The following DSE variants were observed in gnomAD, a reference collection of about 807,000 sequenced individuals.
DSE encodes the protein dermatan-sulfate epimerase.
A neutral mutation model predicts 84.4 loss-of-function variants in DSE; 36 were observed. The observed-to-expected ratio is 0.43, with a 90% CI of 0.33 to 0.56. DSE has a LOEUF of 0.56. DSE is among the 20% of genes least tolerant of loss of function. DSE has a pLI of 0.06. For synonymous variants in DSE, 410 were observed against 430.1 expected (o/e 0.95, Z 0.58); for missense variants, 862 against 1,169.6 (o/e 0.74, Z 3.84).
intron 2 of DSE, among the ~76,000 whole-genome samples, chr6:116,410,151 A>C (rs543627636): frequency 2.6e-5 from 4 of 152,344 alleles, no homozygotes; most frequent in Admixed American, 6.5e-5. Flanking sequence ...ATTGAAAAAT[A>C]AAAGTAGAAT....
chr6:116,405,764 A>C (rs2115010108), intron 2 of DSE, among the ~76,000 whole-genome samples: 2 of 152,322 alleles, frequency 1.3e-5, no homozygotes, highest in Middle Eastern at 6.8e-3. Context: ...TTGGGCAGGA[A>C]TCAAGGTCAG....
intron 2 of DSE, among the ~76,000 whole-genome samples, chr6:116,332,527 T>G (rs1777013279): frequency 6.6e-6 from 1 of 152,168 alleles, no homozygotes; most frequent in South Asian, 2.1e-4. Flanking sequence ...CTACTGGATA[T>G]TAATACTTAT....
chr6:116,301,502 T>A (rs973017937), intron 2 of DSE, among the ~76,000 whole-genome samples: 3 of 152,228 alleles, frequency 2.0e-5, no homozygotes, highest in Non-Finnish European at 4.4e-5. Flanking sequence ...TTTTATTGAT[T>A]CTTCCTACAC....
intron 2 of DSE, among the ~76,000 whole-genome samples, chr6:116,301,965 C>G (rs775720316): frequency 6.6e-6 from 1 of 152,120 alleles, no homozygotes; most frequent in African/African-American, 2.4e-5. Flanking sequence ...GGACATGAAG[C>G]CATCCTTTTT....
chr6:116,416,215 C>T (rs1583202909), intron 2 of DSE, among the ~76,000 whole-genome samples: 1 of 152,136 alleles, frequency 6.6e-6, no homozygotes, highest in Admixed American at 6.5e-5. Flanking sequence ...CCTGGGTAAT[C>T]TAGAATAATC....
chr6:116,395,958 T>G (rs1454915887), intron 1 of DSE, among the ~76,000 whole-genome samples: 1 of 152,252 alleles, frequency 6.6e-6, no homozygotes, highest in African/African-American at 2.4e-5. Flanking sequence ...TTTCTTTTCT[T>G]TTTAAACTAG....
chr6:116,290,104 C>T (rs952653817), intron 2 of DSE, among the ~76,000 whole-genome samples: 5 of 152,068 alleles, frequency 3.3e-5, no homozygotes, highest in Admixed American at 2.6e-4. Context: ...CCTAAAGTTA[C>T]ATGACTAATA....
chr6:116,299,551 TACACATAC>T lies in DSE; in HGVS notation c.-54+40590_-54+40597del, dbSNP rs1297214517. Among the ~76,000 whole-genome samples the T allele has an allele frequency of 8.7e-3, 467 of 53,584 alleles. 22 individuals carry two copies. The highest frequency in any genetic ancestry group is 0.048 in the African/African-American group (381 of 7,910). 35.2% of individuals were successfully genotyped at this position (53,584 alleles called of 152,430 possible). A position where few individuals can be genotyped will look rare whatever the true frequency, so the allele number is the denominator to read the frequency against. ...ATATATATATATATATATATATATA[TACACATAC>T]ACACACACACACACATACATATATA... On this transcript the variant is annotated intron_variant, in intron 2 of 3. Coordinates refer to the DSE transcript ENST00000430252.
chr6:116,399,017 T>C (rs928750057), intron 1 of DSE, among the ~76,000 whole-genome samples, 181 bp from the exon 2 acceptor site: 1 of 152,242 alleles, frequency 6.6e-6, no homozygotes, highest in African/African-American at 2.4e-5. Flanking sequence ...GTAGTATGTT[T>C]AACTCTATAA....
chr6:116,275,459 T>G (rs574530006), intron 2 of DSE, among the ~76,000 whole-genome samples: 1 of 152,234 alleles, frequency 6.6e-6, no homozygotes, highest in Non-Finnish European at 1.5e-5. Context: ...TTTTCCTCCA[T>G]CTGAGTTTTG....
intron 2 of DSE, among the ~76,000 whole-genome samples, chr6:116,275,212 T>C (rs1773072283): frequency 6.6e-6 from 1 of 152,172 alleles, no homozygotes; most frequent in Non-Finnish European, 1.5e-5. Context: ...ACATCTAGAG[T>C]CTAACCCCCT....
At chr6:116,396,149 G>A (rs1781236185) in intron 1 of DSE, among the ~76,000 whole-genome samples, 1 of 152,152 alleles carries the variant, frequency 6.6e-6, no homozygotes, top group South Asian at 2.1e-4. Context: ...TAAGCCCAGG[G>A]ATTTGGTTCA....
chr6:116,256,461 A>G (rs1772146253), intron 1 of DSE: 1 of 152,242 alleles, frequency 6.6e-6, no homozygotes, highest in Non-Finnish European at 1.5e-5. Context: ...CAGTAAAAAT[A>G]GAGTATTACA....
At chr6:116,406,874 C>G (rs1781963986) in intron 2 of DSE, among the ~76,000 whole-genome samples, 1 of 151,962 alleles carries the variant, frequency 6.6e-6, no homozygotes, top group African/African-American at 2.4e-5. Context: ...CCCACATAAG[C>G]CTGTGGTTTA....
intron 3 of DSE, among the ~76,000 whole-genome samples, chr6:116,429,009 A>G (rs1304492821): frequency 6.6e-6 from 1 of 152,172 alleles, no homozygotes; most frequent in Non-Finnish European, 1.5e-5. Flanking sequence ...TGTTGTAAGG[A>G]ACAAATAAGG....
In DSE at chr6:116,265,836, G is replaced by C. The variant is rs112943495; in HGVS notation, c.-54+6869G>C. Among the ~76,000 whole-genome samples, 3 of 152,290 alleles carry C rather than the reference G, an allele frequency of 2.0e-5. No homozygotes were observed. The South Asian group carries it at 6.2e-4, about 32-fold the overall frequency. ...ATGTGAGCAAGTCAAGCCTAGAGGG[G>C]ACAGCCTTCCCTAGTTGTGCTCTGC... On this transcript the variant is annotated intron_variant, in intron 2 of 3. Coordinates refer to the DSE transcript ENST00000430252.
chr6:116,410,846 A>G (rs1782308288), intron 2 of DSE, among the ~76,000 whole-genome samples: 1 of 151,924 alleles, frequency 6.6e-6, no homozygotes, highest in Admixed American at 6.6e-5. Context: ...GTTTATCTAA[A>G]TGAAAACCTA....
At chr6:116,321,643 C>T (rs919339147) in intron 2 of DSE, among the ~76,000 whole-genome samples, 15 of 151,912 alleles carry the variant, frequency 9.9e-5, no homozygotes, top group Non-Finnish European at 1.8e-4. Context: ...AAAAATTAGC[C>T]GGCGCCTGTA....
At chr6:116,372,991 G>A (rs1779696122) in intron 1 of DSE, among the ~76,000 whole-genome samples, 1 of 151,736 alleles carries the variant, frequency 6.6e-6, no homozygotes, top group Admixed American at 6.6e-5. Context: ...TAAAAACACT[G>A]GCCTAAAAAG....
Sources: allele counts gnomAD v4.1 joint callset (sites outside exome capture counted in the v4.1 genomes callset), GRCh38; gene constraint gnomAD v4.1.1; transcripts MANE v1.5; gene names NCBI Gene and HGNC (gene_info 2026-07-23, HGNC 2026-07-21).